KIF26B: variants seen among roughly 807,000 people sequenced by gnomAD.
The protein encoded by KIF26B is kinesin-like protein KIF26B.
Under a neutral mutation model 151.2 loss-of-function variants are expected in KIF26B, and 63 were observed. The observed-to-expected ratio is 0.42, with a 90% CI of 0.34 to 0.51. The LOEUF (loss-of-function observed/expected upper bound fraction) is 0.51. Among genes scored for constraint, KIF26B ranks in the 20% least tolerant of loss-of-function variants. The probability of loss-of-function intolerance (pLI) is 0.07; values close to 1 mark genes in which losing one functional copy is unlikely to be tolerated. For synonymous variants in KIF26B, 1,357 were observed against 1,262.1 expected (o/e 1.08, Z -1.59); for missense variants, 2,813 against 2,913.6 (o/e 0.97, Z 0.79).
intron 4 of KIF26B, among the ~76,000 whole-genome samples, chr1:245,484,385 G>A (rs1243599313): frequency 6.6e-6 from 1 of 151,814 alleles, no homozygotes; most frequent in African/African-American, 2.4e-5. Context: ...TGCAAGTAAA[G>A]GGGCCTGATT....
intron 2 of KIF26B, among the ~76,000 whole-genome samples, chr1:245,177,433 T>C (rs890806757): frequency 3.9e-5 from 6 of 152,188 alleles, no homozygotes; most frequent in African/African-American, 1.2e-4. Context: ...AGTTTCAAAC[T>C]TCTGAAGAAC....
At chr1:245,212,615 C>T (rs1015995252) in intron 2 of KIF26B, among the ~76,000 whole-genome samples, 3 of 152,210 alleles carry the variant, frequency 2.0e-5, no homozygotes, top group Non-Finnish European at 4.4e-5. Context: ...GCTCAGTCAG[C>T]TAACTTCCGT....
intron 9 of KIF26B, among the ~76,000 whole-genome samples, chr1:245,641,335 C>T (rs938085217): frequency 9.2e-5 from 14 of 152,054 alleles, no homozygotes; most frequent in South Asian, 2.1e-4. Flanking sequence ...TGAATCTGAT[C>T]GGTGACTTTT....
At chr1:245,229,169 A>C (rs546053051) in intron 2 of KIF26B, among the ~76,000 whole-genome samples, 4 of 152,042 alleles carry the variant, frequency 2.6e-5, no homozygotes, top group African/African-American at 9.6e-5. Context: ...ACTGGGTTTT[A>C]CCATGTTGGC....
intron 10 of KIF26B, among the ~76,000 whole-genome samples, chr1:245,680,964 G>A (rs77510688): frequency 3.3e-5 from 5 of 152,184 alleles, no homozygotes; most frequent in East Asian, 1.9e-4. Context: ...TGCTGTAAAC[G>A]GCCCCCAAGA....
chr1:245,432,765 T>C (rs990016617), intron 4 of KIF26B, among the ~76,000 whole-genome samples: 6 of 152,158 alleles, frequency 3.9e-5, no homozygotes, highest in African/African-American at 1.4e-4. Flanking sequence ...AAAACACCAA[T>C]CTGTCCAGGG....
rs1266863126 is a variant in KIF26B at position 245,332,374 on chromosome 1, G to C, written c.466-34460G>C. Among the ~76,000 whole-genome samples, 13 of 152,320 alleles carry C rather than the reference G, an allele frequency of 8.5e-5. No individual in the cohort carries two copies. The South Asian group carries it at 2.1e-3, about 24-fold the overall frequency. On this transcript the variant is annotated intron_variant, in intron 2 of 14. Coordinates refer to ENST00000407071, the MANE Select transcript of KIF26B (RefSeq NM_018012.4). The stretch of plus-strand genomic sequence containing the variant: ...GAGGTGGGTATAGCATTTCAGGTCA[G>C]AATGGGGGTTCTCACAATTCATCAG...
intron 2 of KIF26B, among the ~76,000 whole-genome samples, chr1:245,175,987 GATATAGATAT>G (rs1056495137): frequency 1.4e-5 from 2 of 147,676 alleles, no homozygotes; most frequent in African/African-American, 4.9e-5. Flanking sequence ...TATATATATA[GATATAGATAT>G]ATAGATATAG....
intron 2 of KIF26B, among the ~76,000 whole-genome samples, chr1:245,322,172 T>C (rs1267533904): frequency 6.6e-6 from 1 of 151,224 alleles, no homozygotes; most frequent in Non-Finnish European, 1.5e-5. Flanking sequence ...AGTTGAACAA[T>C]GAGAACACAT....
At chr1:245,177,715 G>A (rs977082465) in intron 2 of KIF26B, among the ~76,000 whole-genome samples, 2 of 151,744 alleles carry the variant, frequency 1.3e-5, no homozygotes, top group African/African-American at 2.4e-5. Context: ...TGGCCTTCTG[G>A]TGACGGATAA....
chr1:245,548,353 C>G (rs1214367749), intron 5 of KIF26B, among the ~76,000 whole-genome samples: 1 of 152,086 alleles, frequency 6.6e-6, no homozygotes, highest in Non-Finnish European at 1.5e-5. Flanking sequence ...AGGGTCCGTC[C>G]TGAAAGAGGC....
chr1:245,338,202 C>G (rs1161524222), intron 2 of KIF26B, among the ~76,000 whole-genome samples: 1 of 152,170 alleles, frequency 6.6e-6, no homozygotes, highest in African/African-American at 2.4e-5. Context: ...TAGCAAGATT[C>G]CTTCAAAATG....
chr1:245,569,927 A>AT (rs869238168), intron 5 of KIF26B, among the ~76,000 whole-genome samples: 8,632 of 47,666 alleles, frequency 0.18, 3,167 homozygotes, highest in East Asian at 0.44. Flanking sequence ...TAAATAGAGA[A>AT]TTTTTTTTTT....
chr1:245,465,776 G>A (rs1348142934), intron 4 of KIF26B, among the ~76,000 whole-genome samples: 1 of 152,202 alleles, frequency 6.6e-6, no homozygotes, highest in African/African-American at 2.4e-5. Flanking sequence ...CCTGAGGGCA[G>A]GAGGGGAAGC....
At chr1:245,587,494 T>C (rs916789797) in intron 5 of KIF26B, among the ~76,000 whole-genome samples, 15 of 152,170 alleles carry the variant, frequency 9.9e-5, no homozygotes, top group African/African-American at 3.4e-4. Flanking sequence ...ATTTGGGGAG[T>C]GGCCAGGAGT....
In KIF26B at chr1:245,366,953, G is replaced by A; in HGVS notation, c.585G>A (p.Lys195=). 6 of 1,614,046 alleles carry A rather than the reference G, an allele frequency of 3.7e-6. No homozygotes were observed. The highest frequency in any genetic ancestry group is 5.1e-6 in the Non-Finnish European group (6 of 1,179,906). Residue 195 remains lysine, a synonymous_variant, in exon 3 of 15, where the codon AAG becomes AAA. Coordinates refer to ENST00000407071, the MANE Select transcript of KIF26B (RefSeq NM_018012.4). ...DICATHLNQL[K]QEAIQMVLTL... ...GCGCCACTCACCTGAACCAGTTGAA[G>A]CAGGAGGCCATCCAGATGGTGCTGA...
chr1:245,282,859 AT>A, intron 2 of KIF26B: 2 of 234,716 alleles, frequency 8.5e-6, no homozygotes. Flanking sequence ...AGCAGCAATT[AT>A]TTTCCCTTAT....
Position 245,418,265 on chromosome 1 carries a change from C to T in KIF26B, c.1000-1314C>T, listed in dbSNP as rs145533025. The stretch of plus-strand genomic sequence containing the variant: ...CTGCTCCGTCAGCAGGAATGTCCTC[C>T]GGGCCAGCAGCTGCCTTTGCAGCCA... On this transcript the variant is annotated intron_variant, in intron 3 of 14. Coordinates refer to ENST00000407071, the MANE Select transcript of KIF26B (RefSeq NM_018012.4). 3.3e-4 allele frequency among the ~76,000 whole-genome samples: 50 copies of T among 152,296 alleles called. No individual in the cohort carries two copies. In the East Asian group the frequency reaches 3.5e-3, roughly 11 times the overall value.
rs2044549064 is a variant in KIF26B, at chr1:245,687,618, C to A, written c.4635C>A (p.Ser1545Arg). The change falls in exon 12 of 15, where the codon AGC (serine) becomes AGA (arginine). Residue 1545 changes from serine to arginine, a missense_variant. This residue lies in a region of KIF26B where 2,060 missense variants were observed against 2,088.6 expected (regional missense o/e 0.99). Coordinates refer to ENST00000407071, the MANE Select transcript of KIF26B (RefSeq NM_018012.4). This position sits in a 1 kb window ranked among gnomAD's most constrained non-coding sequence, Gnocchi z 4.9. ...TTCCCAGGGCCTTTCAGAAGGCCAG[C>A]CGGCAGGAGGAGCCGGACAGCCTCT... Reference protein sequence around the residue: ...SSLPRAFQKASRQEEPDSLSY... With the variant: ...SSLPRAFQKARRQEEPDSLSY... The A allele has an allele frequency of 1.3e-6, 2 of 1,563,830 alleles. No individual in the cohort carries two copies. The highest frequency in any genetic ancestry group is 1.7e-6 in the Non-Finnish European group (2 of 1,154,610).
Sources: gnomAD v4.1 joint callset for allele counts (sites outside exome capture counted in the v4.1 genomes callset) on GRCh38, gnomAD v4.1.1 for gene constraint, gnomAD v4.1.1 regional missense constraint, Gnocchi (gnomAD v3.1) non-coding constraint, MANE v1.5 for transcripts, NCBI Gene and HGNC (gene_info 2026-07-23, HGNC 2026-07-21) for gene names.